The following UMAD1 variants were observed in gnomAD, a reference collection of about 807,000 sequenced individuals.
UMAD1 encodes the protein UBAP1-MVB12-associated (UMA)-domain containing protein 1.
A neutral mutation model predicts 6.1 loss-of-function variants in UMAD1; 8 were observed. The ratio of observed to expected loss-of-function variants is 1.30; its 90% CI spans 0.76 to 2.35. The LOEUF (loss-of-function observed/expected upper bound fraction) is 2.35. Among genes scored for constraint, UMAD1 ranks in the 30% most tolerant of loss-of-function variants. The probability of loss-of-function intolerance (pLI) is 0.00; values close to 1 mark genes in which losing one functional copy is unlikely to be tolerated. For synonymous variants in UMAD1, 56 were observed against 31.4 expected (o/e 1.78, Z -2.61); for missense variants, 130 against 78.4 (o/e 1.66, Z -2.49).
At chr7:7,666,674 G>C (rs2158715) in intron 1 of UMAD1, among the ~76,000 whole-genome samples, 1 of 151,746 alleles carries the variant, frequency 6.6e-6, no homozygotes, top group African/African-American at 2.4e-5. Flanking sequence ...TTTTTTGCCC[G>C]GTTTTTATTG....
intron 2 of UMAD1, chr7:7,685,988 C>T (rs963364055): frequency 3.3e-5 from 5 of 152,186 alleles, no homozygotes; most frequent in African/African-American, 1.2e-4. Flanking sequence ...ATTCCTGGGC[C>T]TTGCCCACAC....
At chr7:7,850,630 A>G (rs1053557999) in intron 3 of UMAD1, among the ~76,000 whole-genome samples, 1 of 152,102 alleles carries the variant, frequency 6.6e-6, no homozygotes, top group African/African-American at 2.4e-5. Context: ...TTTCTGGTAT[A>G]TAATCAGTCA....
At chr7:7,784,756 CTTTT>C (rs71014716) in intron 2 of UMAD1, among the ~76,000 whole-genome samples, 94 of 78,530 alleles carry the variant, frequency 1.2e-3, no homozygotes, top group African/African-American at 4.6e-3. Context: ...GCCCTTCCTT[CTTTT>C]TTTTTTTTTT....
chr7:7,673,911 A>G (rs1257086373), intron 2 of UMAD1, among the ~76,000 whole-genome samples: 1 of 152,218 alleles, frequency 6.6e-6, no homozygotes, highest in Non-Finnish European at 1.5e-5. Flanking sequence ...ACTATTTTCT[A>G]TTATAAAATT....
At chr7:7,825,100 G>T (rs1471458261) in intron 3 of UMAD1, among the ~76,000 whole-genome samples, 3 of 151,996 alleles carry the variant, frequency 2.0e-5, no homozygotes, top group African/African-American at 7.2e-5. Context: ...GACCTCTAAG[G>T]CTGCCTGTCA....
chr7:7,645,221 C>G (rs1785066725), intron 1 of UMAD1, among the ~76,000 whole-genome samples: 1 of 151,864 alleles, frequency 6.6e-6, no homozygotes, highest in Non-Finnish European at 1.5e-5. Context: ...ATCTTTCTTA[C>G]CTTTTGCCTA....
intron 2 of UMAD1, 87 bp downstream of exon 2, chr7:7,673,540 ATTTC>A: frequency 1.5e-6 from 1 of 646,686 alleles, no homozygotes; most frequent in East Asian, 2.7e-5. Flanking sequence ...ATTTTAAATT[ATTTC>A]TTATAATTTC....
intron 2 of UMAD1, among the ~76,000 whole-genome samples, chr7:7,751,211 C>T (rs1243323594): frequency 1.3e-5 from 2 of 152,084 alleles, no homozygotes; most frequent in Non-Finnish European, 2.9e-5. Context: ...TATATCTCTC[C>T]CCAATTATAT....
At chr7:7,847,104 A>AATATATAT (rs1170307529) in intron 3 of UMAD1, among the ~76,000 whole-genome samples, 9 of 6,590 alleles carry the variant, frequency 1.4e-3, no homozygotes, top group Non-Finnish European at 1.9e-3. Context: ...AAAAAAAAAA[A>AATATATAT]ATATATATAT....
chr7:7,842,764 C>G (rs978156144), intron 3 of UMAD1, among the ~76,000 whole-genome samples: 2 of 152,120 alleles, frequency 1.3e-5, no homozygotes, highest in Non-Finnish European at 2.9e-5. Context: ...TTCTTTTAGC[C>G]TATCCTGAGA....
intron 2 of UMAD1, among the ~76,000 whole-genome samples, chr7:7,691,460 A>C (rs1270299011): frequency 6.6e-6 from 1 of 152,230 alleles, no homozygotes; most frequent in Non-Finnish European, 1.5e-5. Context: ...TTAAAATATC[A>C]GTATTTACTA....
rs1489179864 is a variant in UMAD1, at chr7:7,801,686, G to T, written c.99G>T (p.Glu33Asp). 2 of 718,046 alleles carry T rather than the reference G, an allele frequency of 2.8e-6. No homozygotes were observed. Among genetic ancestry groups the T allele is most frequent in the East Asian group, 2.7e-5 (1 of 37,270 alleles). The allele number at this position is 718,046 out of a possible 1,614,324, so 44.5% of individuals were successfully genotyped here. A position where few individuals can be genotyped will look rare whatever the true frequency, so the allele number is the denominator to read the frequency against. ...GFVLLGDTTD[E>D]QRMTARGKTS... ...ACTTCATAGGAGATACAACAGATGA[G>T]CAAAGAATGACAGCAAGAGGCAAAA... Residue 33 changes from glutamate (E) to aspartate (D), a missense_variant, in exon 3 of 4, where the codon GAG (glutamate) becomes GAT (aspartate). Physicochemically the swap from Glu to Asp is conservative, Grantham distance 45 (BLOSUM62 2). Transcript: ENST00000682710.
At chr7:7,813,500 A>T (rs1032592558) in intron 3 of UMAD1, among the ~76,000 whole-genome samples, 3 of 152,092 alleles carry the variant, frequency 2.0e-5, no homozygotes, top group African/African-American at 7.2e-5. Flanking sequence ...GACTGCGCCC[A>T]GCCCCTTTTT....
intron 3 of UMAD1, among the ~76,000 whole-genome samples, chr7:7,805,088 A>G (rs1054617205): frequency 6.6e-6 from 1 of 152,222 alleles, no homozygotes; most frequent in Non-Finnish European, 1.5e-5. Context: ...AGTCTTATCC[A>G]GCCTCCTCGA....
At chr7:7,718,978 G>T (rs967057082) in intron 2 of UMAD1, among the ~76,000 whole-genome samples, 7 of 152,070 alleles carry the variant, frequency 4.6e-5, no homozygotes, top group Middle Eastern at 3.4e-3. Context: ...CTTAGAATTT[G>T]CTCATATATT....
At chr7:7,646,101 C>T (rs983101553) in intron 1 of UMAD1, among the ~76,000 whole-genome samples, 2 of 152,174 alleles carry the variant, frequency 1.3e-5, no homozygotes, top group Non-Finnish European at 2.9e-5. Context: ...CTCTTTTAGC[C>T]CTGCCGTCTG....
At position 7,877,627 on chromosome 7, in the gene UMAD1, T is replaced by C. The variant is rs1784448528; in HGVS notation, c.*89T>C. On this transcript the variant is annotated 3_prime_UTR_variant, in exon 4 of 4. Coordinates refer to ENST00000682710, the MANE Select transcript of UMAD1 (RefSeq NM_001302348.2). ...TGATGTTCTTTGCCGTTTCACTGTT[T>C]AAGGTCCTCAGCAAGGATCATAAAG... 3.0e-6 allele frequency: 2 copies of C among 656,592 alleles called. No individual in the cohort carries two copies. The highest frequency in any genetic ancestry group is 5.6e-6 in the Non-Finnish European group (2 of 358,934). The allele number at this position is 656,592 out of a possible 1,614,324, so 40.7% of individuals were successfully genotyped here. A position where few individuals can be genotyped will look rare whatever the true frequency, so the allele number is the denominator to read the frequency against.
intron 3 of UMAD1, among the ~76,000 whole-genome samples, chr7:7,859,334 G>T (rs1269592881): frequency 6.6e-6 from 1 of 152,146 alleles, no homozygotes; most frequent in African/African-American, 2.4e-5. Flanking sequence ...TGACTCCTAA[G>T]TGTTTATGTT....
intron 3 of UMAD1, among the ~76,000 whole-genome samples, chr7:7,827,199 A>C (rs1338422866): frequency 7.0e-6 from 1 of 143,002 alleles, no homozygotes; most frequent in African/African-American, 2.8e-5. Context: ...AATTTAAATA[A>C]TGGAATATTA....
Sources: gnomAD v4.1 joint callset for allele counts (sites outside exome capture counted in the v4.1 genomes callset) on GRCh38, gnomAD v4.1.1 for gene constraint, MANE v1.5 for transcripts, NCBI Gene and HGNC (gene_info 2026-07-23, HGNC 2026-07-21) for gene names.